ABCC1: variants seen among roughly 807,000 people sequenced by gnomAD.
The protein encoded by ABCC1 is ATP binding cassette subfamily C member 1 (ABCC1 blood group).
In ABCC1, 83 loss-of-function variants were observed where a neutral mutation model predicts 172.9. That is an observed-to-expected ratio of 0.48 (90% CI 0.40 to 0.58). The LOEUF (loss-of-function observed/expected upper bound fraction) is 0.58. ABCC1 is among the 20% of genes least tolerant of loss of function. The pLI is 0.00. For missense variants in ABCC1, 1,817 were observed against 2,002.7 expected, an observed-to-expected ratio of 0.91 and a Z score of 1.77; for synonymous variants, 937 against 825.2, an observed-to-expected ratio of 1.14 and a Z score of -2.32.
At position 16,090,524 on chromosome 16, in the gene ABCC1, C is replaced by T. The variant is rs367802550; in HGVS notation, c.2580C>T (p.Gly860=). 13 of 1,613,518 alleles carry T rather than the reference C, an allele frequency of 8.1e-6. No homozygotes were observed. Among genetic ancestry groups the T allele is most frequent in the African/African-American group, 8.0e-5 (6 of 74,924 alleles). The part of the protein sequence containing the change: ...GSYQELLARD[G]AFAEFLRTYA... Reference sequence around the variant, plus strand: ...ACCAGGAGCTGCTGGCTCGAGACGGCGCCTTCGCTGAGTTCCTGCGTACCT... The same window carrying T: ...ACCAGGAGCTGCTGGCTCGAGACGGTGCCTTCGCTGAGTTCCTGCGTACCT... The change falls in exon 19 of 31, where the codon GGC becomes GGT. Residue 860 remains glycine (G), a synonymous_variant. Transcript: ENST00000399410.
intron 18 of ABCC1, among the ~76,000 whole-genome samples, chr16:16,087,754 C>T (rs1055226746): frequency 1.3e-5 from 2 of 152,172 alleles, no homozygotes; most frequent in African/African-American, 4.8e-5. Flanking sequence ...CCACCACACC[C>T]GGCTGTTTCT....
chr16:16,076,371 G>A lies in ABCC1; in HGVS notation c.1958G>A (p.Trp653Ter). 6.2e-7 allele frequency: 1 copy of A among 1,611,690 alleles called. No individual in the cohort carries two copies. Among genetic ancestry groups the A allele is most frequent in the Non-Finnish European group, 8.5e-7 (1 of 1,179,046 alleles). The change falls in exon 15 of 31, where the codon TGG becomes TAG. Residue 653 changes from tryptophan (W) to a stop codon, truncating the protein, a stop_gained. Transcript: ENST00000399410. LOFTEE classifies it high-confidence loss of function. Reference sequence around the variant, plus strand: ...ACCGTGAGGAATGCCACATTCACCTGGGCCAGGAGCGACCCTCCCACACTG... The same window carrying A: ...ACCGTGAGGAATGCCACATTCACCTAGGCCAGGAGCGACCCTCCCACACTG... ...SITVRNATFT[W>*]ARSDPPTLNG...
At chr16:15,999,032 G>T (rs972765228) in intron 1 of ABCC1, among the ~76,000 whole-genome samples, 1 of 151,970 alleles carries the variant, frequency 6.6e-6, no homozygotes, top group Non-Finnish European at 1.5e-5. Context: ...ACGGAGTCTC[G>T]CTCTGTCTCC....
chr16:16,118,952 C>T (rs979649678), intron 23 of ABCC1, among the ~76,000 whole-genome samples: 2 of 149,756 alleles, frequency 1.3e-5, no homozygotes, highest in Admixed American at 6.7e-5. Flanking sequence ...GATTCATAAT[C>T]GCCCAAACTG....
intron 1 of ABCC1, among the ~76,000 whole-genome samples, chr16:15,985,693 C>G (rs1214861569): frequency 1.3e-5 from 2 of 152,044 alleles, no homozygotes; most frequent in South Asian, 2.1e-4. Context: ...GATCCTCCTG[C>G]TTTGGGCTCC....
chr16:15,997,505 T>C (rs1232824946), intron 1 of ABCC1, among the ~76,000 whole-genome samples: 1 of 152,138 alleles, frequency 6.6e-6, no homozygotes, highest in Admixed American at 6.5e-5. Flanking sequence ...GGCTGAATTG[T>C]GTGTCTGGAG....
intron 1 of ABCC1, among the ~76,000 whole-genome samples, chr16:15,972,472 C>T (rs2046391364): frequency 6.6e-6 from 1 of 152,076 alleles, no homozygotes; most frequent in African/African-American, 2.4e-5. Flanking sequence ...TTGTCTTTTC[C>T]TCAAGGCCCC....
chr16:16,111,455 T>C lies in ABCC1; in HGVS notation c.2952T>C (p.Cys984=). Residue 984 remains cysteine (C), a synonymous_variant, in exon 22 of 31, where the codon TGT becomes TGC. Transcript: ENST00000399410. ...TCCTCAGCATCTTCCTTTTCATGTG[T>C]AACCATGTGTCCGCGCTGGCTTCCA... ...ISFLSIFLFM[C]NHVSALASNY... The C allele has an allele frequency of 6.2e-7, 1 of 1,614,204 alleles. No individual in the cohort carries two copies. Among genetic ancestry groups the C allele is most frequent in the Non-Finnish European group, 8.5e-7 (1 of 1,180,022 alleles).
intron 1 of ABCC1, among the ~76,000 whole-genome samples, chr16:15,974,847 C>T (rs2046448068): frequency 6.6e-6 from 1 of 152,206 alleles, no homozygotes; most frequent in Non-Finnish European, 1.5e-5. Flanking sequence ...ACTGCGGTGG[C>T]ATGATCTCGG....
At chr16:15,974,590 T>G (rs2046442742) in intron 1 of ABCC1, among the ~76,000 whole-genome samples, 1 of 152,290 alleles carries the variant, frequency 6.6e-6, no homozygotes, top group Non-Finnish European at 1.5e-5. Flanking sequence ...GATATGGACA[T>G]GCTGCGTTTC....
At chr16:16,067,113 G>A (rs1262762986) in intron 12 of ABCC1, among the ~76,000 whole-genome samples, 1 of 152,110 alleles carries the variant, frequency 6.6e-6, no homozygotes, top group Non-Finnish European at 1.5e-5. Context: ...AGCCGGGCAT[G>A]GTGGTATGCG....
At chr16:16,039,209 TTG>T (rs749877499) in intron 7 of ABCC1, among the ~76,000 whole-genome samples, 5,459 of 137,008 alleles carry the variant, frequency 0.04, 395 homozygotes, top group African/African-American at 0.14. Context: ...GAGGAAGCTT[TTG>T]TGTGTGTGTG....
intron 23 of ABCC1, 66 bp downstream of exon 23, chr16:16,115,142 A>G (rs1433074792): frequency 2.6e-6 from 4 of 1,513,946 alleles, no homozygotes. Context: ...TGTTACCTAA[A>G]GCCTTGTTTT....
chr16:16,064,790 A>G (rs578202972), intron 12 of ABCC1, among the ~76,000 whole-genome samples: 1 of 152,234 alleles, frequency 6.6e-6, no homozygotes, highest in Non-Finnish European at 1.5e-5. Context: ...AGGCTCTGAC[A>G]ATACAGCAGT....
intron 1 of ABCC1, among the ~76,000 whole-genome samples, chr16:15,950,324 G>A (rs2045839829): frequency 2.6e-5 from 4 of 152,056 alleles, no homozygotes; most frequent in African/African-American, 9.7e-5. Context: ...CTCTTCTGTG[G>A]TTACCTAGCT....
intron 14 of ABCC1, among the ~76,000 whole-genome samples, chr16:16,075,697 GC>G (rs2151971632): frequency 6.6e-6 from 1 of 152,322 alleles, no homozygotes; most frequent in Admixed American, 6.5e-5. Context: ...CCTTCCCTGT[GC>G]CCTCGTACCA....
chr16:16,116,751 GGTTTCACCAT>G (rs2044891645), intron 23 of ABCC1, among the ~76,000 whole-genome samples: 1 of 152,098 alleles, frequency 6.6e-6, no homozygotes, highest in Non-Finnish European at 1.5e-5. Context: ...GTAGAGACGA[GGTTTCACCAT>G]GTTGGCCAGG....
intron 1 of ABCC1, among the ~76,000 whole-genome samples, chr16:15,987,553 G>A (rs1049882753): frequency 1.3e-4 from 20 of 152,302 alleles, no homozygotes; most frequent in Middle Eastern, 3.4e-3. Flanking sequence ...TGTCCACAGA[G>A]TGCCAATAGC....
chr16:16,035,271 C>T (rs1023441043), intron 6 of ABCC1, among the ~76,000 whole-genome samples: 1 of 151,916 alleles, frequency 6.6e-6, no homozygotes, highest in African/African-American at 2.4e-5. Flanking sequence ...GCAGCACACG[C>T]CTGTAATCCC....
Sources: allele counts gnomAD v4.1 joint callset (sites outside exome capture counted in the v4.1 genomes callset), GRCh38; gene constraint gnomAD v4.1.1; transcripts MANE v1.5; gene names NCBI Gene and HGNC (gene_info 2026-07-23, HGNC 2026-07-21).